MCCC2: variants seen among roughly 807,000 people sequenced by gnomAD.
MCCC2 encodes the protein methylcrotonoyl-CoA carboxylase beta chain, mitochondrial.
Under a neutral mutation model 77.2 loss-of-function variants are expected in MCCC2, and 52 were observed. The ratio of observed to expected loss-of-function variants is 0.67; its 90% confidence interval spans 0.54 to 0.85. MCCC2 has a LOEUF of 0.85. Among genes scored for constraint, MCCC2 ranks in the 40% least tolerant of loss-of-function variants. MCCC2 has a pLI of 0.00. For missense variants in MCCC2, 682 were observed against 703.2 expected, an observed-to-expected ratio of 0.97 and a Z score of 0.34; for synonymous variants, 253 against 248.4, an observed-to-expected ratio of 1.02 and a Z score of -0.18.
intron 7 of MCCC2, among the ~76,000 whole-genome samples, chr5:71,629,764 C>G (rs1018875555): frequency 7.4e-6 from 1 of 135,542 alleles, no homozygotes; most frequent in African/African-American, 2.8e-5. Context: ...ATTATTATTA[C>G]TATTATTATT....
intron 3 of MCCC2, among the ~76,000 whole-genome samples, chr5:71,598,865 C>T (rs1041784319): frequency 2.6e-5 from 4 of 152,132 alleles, no homozygotes; most frequent in African/African-American, 9.7e-5. Context: ...GATTCTTCCA[C>T]CTCAGCCTCC....
chr5:71,639,374 C>T (rs1042688271), intron 10 of MCCC2, among the ~76,000 whole-genome samples: 1 of 151,938 alleles, frequency 6.6e-6, no homozygotes, highest in African/African-American at 2.4e-5. Context: ...GCTGCCTCAC[C>T]TTATACTTTT....
intron 16 of MCCC2, among the ~76,000 whole-genome samples, chr5:71,655,144 A>T (rs756942116): frequency 4.9e-4 from 75 of 152,126 alleles, no homozygotes; most frequent in Non-Finnish European, 1.0e-3. Flanking sequence ...AGATCTGTAG[A>T]TGTTTAACCC....
intron 11 of MCCC2, among the ~76,000 whole-genome samples, chr5:71,642,684 A>C (rs976503350): frequency 3.9e-5 from 6 of 152,170 alleles, no homozygotes; most frequent in Non-Finnish European, 8.8e-5. Flanking sequence ...CTAAGAATGG[A>C]TTTCTGGACT....
Position 71,587,639 on chromosome 5 carries a change from C to G in MCCC2, c.129+85C>G, listed in dbSNP as rs1744816865. Reference sequence around the variant, plus strand: ...GGGGCACGCTTCAACAACTGCTGCTCTCTTGTCCGGAGCCCCAGTTGATTC... The same window carrying G: ...GGGGCACGCTTCAACAACTGCTGCTGTCTTGTCCGGAGCCCCAGTTGATTC... On this transcript the variant is annotated intron_variant, in intron 1 of 16. Transcript: ENST00000340941. The G allele has an allele frequency of 2.4e-5, 35 of 1,485,086 alleles. 1 individual carries two copies. The South Asian group carries it at 4.0e-4, about 17-fold the overall frequency. The allele number at this position is 1,485,086 out of a possible 1,614,324, so 92.0% of individuals were successfully genotyped here.
At chr5:71,614,135 G>T (rs1223715521) in intron 6 of MCCC2, among the ~76,000 whole-genome samples, 1 of 151,294 alleles carries the variant, frequency 6.6e-6, no homozygotes, top group Admixed American at 6.6e-5. Context: ...TAGGGTTAAG[G>T]TTTGCCTTCT....
intron 6 of MCCC2, among the ~76,000 whole-genome samples, chr5:71,625,041 C>G (rs532655060): frequency 6.6e-6 from 1 of 152,208 alleles, no homozygotes; most frequent in Admixed American, 6.5e-5. Context: ...CTGTTTCCTC[C>G]CTGACCTGCC....
intron 10 of MCCC2, among the ~76,000 whole-genome samples, chr5:71,637,199 A>G (rs1470672875): frequency 6.6e-6 from 1 of 152,232 alleles, no homozygotes; most frequent in African/African-American, 2.4e-5. Flanking sequence ...AAAGAATAAT[A>G]CAATGATCAC....
At chr5:71,615,638 C>T (rs1402291541) in intron 6 of MCCC2, among the ~76,000 whole-genome samples, 1 of 152,076 alleles carries the variant, frequency 6.6e-6, no homozygotes, top group African/African-American at 2.4e-5. Context: ...GTCCCCAGTT[C>T]CAGGAACAGA....
rs191034079 is a variant in MCCC2, at chr5:71,587,621, G to C, written c.129+67G>C. On this transcript the variant is annotated intron_variant, in intron 1 of 16. Transcript: ENST00000340941. ...TAGGAAGCAAGTGGAGGAGGGGCAC[G>C]CTTCAACAACTGCTGCTCTCTTGTC... 1.1e-5 allele frequency: 16 copies of C among 1,517,726 alleles called. No homozygotes were observed. In the South Asian group the frequency reaches 1.2e-4, roughly 11 times the overall value. The allele number at this position is 1,517,726 out of a possible 1,614,324, so 94.0% of individuals were successfully genotyped here. A position where few individuals can be genotyped will look rare whatever the true frequency, so the allele number is the denominator to read the frequency against.
At chr5:71,606,430 C>T (rs900916625) in intron 6 of MCCC2, among the ~76,000 whole-genome samples, 2 of 151,786 alleles carry the variant, frequency 1.3e-5, no homozygotes, top group African/African-American at 2.4e-5. Context: ...GATTTTGTAT[C>T]CTGAGACTTT....
intron 13 of MCCC2, among the ~76,000 whole-genome samples, chr5:71,647,700 T>G (rs929322781): frequency 6.6e-6 from 1 of 152,088 alleles, no homozygotes; most frequent in African/African-American, 2.4e-5. Flanking sequence ...ATCATCAGAA[T>G]ATGGAGGTAA....
chr5:71,635,112 A>C, intron 9 of MCCC2, 39 bp from the exon 10 acceptor site: 1 of 1,613,398 alleles, frequency 6.2e-7, no homozygotes, highest in Non-Finnish European at 8.5e-7. Context: ...CCTTGAAATC[A>C]TGTCTTTAAA....
chr5:71,623,374 A>G (rs1026830639), intron 6 of MCCC2, among the ~76,000 whole-genome samples: 2 of 152,172 alleles, frequency 1.3e-5, no homozygotes, highest in African/African-American at 2.4e-5. Context: ...GCTCACTCCC[A>G]TGGCTGTTGG....
At chr5:71,647,431 G>A (rs1747300506) in intron 13 of MCCC2, among the ~76,000 whole-genome samples, 1 of 152,176 alleles carries the variant, frequency 6.6e-6, no homozygotes, top group Admixed American at 6.5e-5. Context: ...CAGATAGAAA[G>A]GATTCTGAAG....
rs6861176 is a variant in MCCC2, at chr5:71,632,096, C to T, written c.739-25C>T. On this transcript the variant is annotated intron_variant, in intron 7 of 16. Transcript: ENST00000340941. ...TTATATGTCTGATGGACCGATTTCA[C>T]TGATGATTTTTATCCTTGTTGTAGG... is the stretch of plus-strand genomic sequence containing the variant. 2.8e-3 allele frequency: 4,458 copies of T among 1,611,572 alleles called. 117 individuals are homozygous for T. In the African/African-American group the frequency reaches 0.054, roughly 19 times the overall value.
intron 6 of MCCC2, among the ~76,000 whole-genome samples, chr5:71,610,438 C>T (rs1412047279): frequency 2.0e-5 from 3 of 152,066 alleles, no homozygotes; most frequent in Admixed American, 6.5e-5. Context: ...GCACACGGTG[C>T]GCGCACCCAC....
chr5:71,653,906 C>T (rs1205247347), intron 16 of MCCC2, among the ~76,000 whole-genome samples: 1 of 150,902 alleles, frequency 6.6e-6, no homozygotes, highest in Non-Finnish European at 1.5e-5. Flanking sequence ...TGAATGGTTC[C>T]TTGGTGGATA....
intron 8 of MCCC2, among the ~76,000 whole-genome samples, chr5:71,632,481 C>T (rs568946749): frequency 7.2e-5 from 11 of 152,290 alleles, no homozygotes; most frequent in Non-Finnish European, 1.0e-4. Flanking sequence ...GAGGTAGATA[C>T]TATCTTTGAC....
Sources: allele counts gnomAD v4.1 joint callset (sites outside exome capture counted in the v4.1 genomes callset), GRCh38; gene constraint gnomAD v4.1.1; transcripts MANE v1.5; gene names NCBI Gene and HGNC (gene_info 2026-07-23, HGNC 2026-07-21).